Variants in CYFIP2 observed in about 807,000 individuals in gnomAD.
CYFIP2 encodes cytoplasmic FMR1 interacting protein 2.
A neutral mutation model predicts 158.7 loss-of-function variants in CYFIP2; 29 were observed. The observed-to-expected ratio is 0.18, with a 90% confidence interval of 0.14 to 0.25. The LOEUF (loss-of-function observed/expected upper bound fraction) is 0.25. Ranked by LOEUF, CYFIP2 falls within the 10% of genes least tolerant of loss-of-function variation. The probability of loss-of-function intolerance (pLI) is 1.00; values close to 1 mark genes in which losing one functional copy is unlikely to be tolerated. For missense variants in CYFIP2, 852 were observed against 1,639.5 expected (o/e 0.52, Z 8.29); for synonymous variants, 585 against 617.6 (o/e 0.95, Z 0.78).
rs1283850132 is a variant in CYFIP2, at chr5:157,361,038, C to T, written c.2909-430C>T. ...GGGCATGCCCCTTACCCTCTCTGAG[C>T]CTCATCTGAAACCAGGGTAATAGTG... On this transcript the variant is annotated intron_variant, in intron 25 of 30. Coordinates refer to ENST00000620254, the MANE Select transcript of CYFIP2 (RefSeq NM_001037333.3). This position sits in a 1 kb window ranked among gnomAD's most constrained non-coding sequence, Gnocchi z 4.4. Among the ~76,000 whole-genome samples, 2 of 152,206 alleles carry T rather than the reference C, an allele frequency of 1.3e-5. No homozygotes were observed. The highest frequency in any genetic ancestry group is 3.8e-4 in the East Asian group (2 of 5,200).
chr5:157,344,125 T>C (rs1174938656), intron 23 of CYFIP2, among the ~76,000 whole-genome samples: 1 of 152,222 alleles, frequency 6.6e-6, no homozygotes, highest in Non-Finnish European at 1.5e-5. Context: ...CCAAAGCTTC[T>C]GCTCTTGTTT....
Position 157,311,624 on chromosome 5 carries a change from G to T in CYFIP2, c.993-40G>T. 1.3e-6 allele frequency: 2 copies of T among 1,551,156 alleles called. No individual in the cohort carries two copies. The highest frequency in any genetic ancestry group is 1.7e-6 in the Non-Finnish European group (2 of 1,144,332). ...TAATGCCTGTTCCACCCAGGCGCCT[G>T]AGGCTGGGACCCTCTCCGACCCCAT... On this transcript the variant is annotated intron_variant, in intron 10 of 30. Transcript: ENST00000620254. The surrounding 1 kb of genome is among the most constrained non-coding windows in gnomAD (Gnocchi z 4.7).
At chr5:157,359,848 G>A (rs1458368342) in intron 24 of CYFIP2, among the ~76,000 whole-genome samples, 1 of 152,234 alleles carries the variant, frequency 6.6e-6, no homozygotes, top group Non-Finnish European at 1.5e-5. Context: ...ACCATGGGTT[G>A]TTACAGATTG....
chr5:157,348,344 C>T (rs1481431757), intron 23 of CYFIP2, among the ~76,000 whole-genome samples: 1 of 152,122 alleles, frequency 6.6e-6, no homozygotes, highest in Non-Finnish European at 1.5e-5. Context: ...CCTCCCAAGG[C>T]TCAGGAGATC....
Position 157,361,303 on chromosome 5 carries a change from G to A in CYFIP2, c.2909-165G>A. 1 of 773,276 alleles carries A rather than the reference G, an allele frequency of 1.3e-6. No individual in the cohort carries two copies. The highest frequency in any genetic ancestry group is 2.1e-6 in the Non-Finnish European group (1 of 486,368). 47.9% of individuals were successfully genotyped at this position (773,276 alleles called of 1,614,324 possible). ...AGCTACTCGAACTTTGTCCAGTACT[G>A]AGCCCTGAAAGAAATCTCACTCTGG... On this transcript the variant is annotated intron_variant, in intron 25 of 30. Coordinates refer to ENST00000620254, the MANE Select transcript of CYFIP2 (RefSeq NM_001037333.3). This position sits in a 1 kb window ranked among gnomAD's most constrained non-coding sequence, Gnocchi z 4.4.
Position 157,394,130 on chromosome 5 carries a change from G to C in CYFIP2, c.*1130G>C, listed in dbSNP as rs1176098673. ...TTTTAGCTTTTACTCTCAACTTGCT[G>C]TTCTCTTTACATTCCTTAAGTTAGA... On this transcript the variant is annotated 3_prime_UTR_variant, in exon 31 of 31. Transcript: ENST00000620254. The C allele has an allele frequency of 1.3e-5, 2 of 152,150 alleles. No homozygotes were observed. Among genetic ancestry groups the C allele is most frequent in the Non-Finnish European group, 2.9e-5 (2 of 68,042 alleles). 9.4% of individuals were successfully genotyped at this position (152,150 alleles called of 1,614,324 possible).
At chr5:157,331,096 C>G (rs1761422824) in intron 20 of CYFIP2, among the ~76,000 whole-genome samples, 1 of 152,070 alleles carries the variant, frequency 6.6e-6, no homozygotes, top group Non-Finnish European at 1.5e-5. Flanking sequence ...TTATGGCAAC[C>G]AAAGCCTTTG....
intron 26 of CYFIP2, chr5:157,364,419 A>G (rs1030773124): frequency 1.5e-4 from 23 of 152,316 alleles, no homozygotes; most frequent in African/African-American, 5.1e-4. Flanking sequence ...AGGACACTCA[A>G]TGACCTTCAG....
chr5:157,341,494 G>T lies in CYFIP2; in HGVS notation c.2673+337G>T, dbSNP rs536265322. ...TTGAGCCCAGGAGTGTTATGCTGCA[G>T]TGAGCATGATTGTACCACTTCGCTC... On this transcript the variant is annotated intron_variant, in intron 23 of 30. Coordinates refer to ENST00000620254, the MANE Select transcript of CYFIP2 (RefSeq NM_001037333.3). 4 of 301,390 alleles carry T rather than the reference G, an allele frequency of 1.3e-5. No individual in the cohort carries two copies. In the South Asian group the frequency reaches 1.4e-4, roughly 11 times the overall value. 18.7% of individuals were successfully genotyped at this position (301,390 alleles called of 1,614,324 possible).
At chr5:157,305,371 C>T (rs1759126946) in intron 8 of CYFIP2, among the ~76,000 whole-genome samples, 1 of 152,164 alleles carries the variant, frequency 6.6e-6, no homozygotes, top group African/African-American at 2.4e-5. Context: ...TACATTTTGC[C>T]AAAGTGATCA....
At chr5:157,356,932 A>G (rs6875921) in intron 23 of CYFIP2, among the ~76,000 whole-genome samples, 33,829 of 152,102 alleles carry the variant, frequency 0.22, 4,074 homozygotes, top group African/African-American at 0.3. Context: ...GCTGAACATC[A>G]GCTTCAGTGA....
intron 26 of CYFIP2, among the ~76,000 whole-genome samples, chr5:157,372,407 G>A (rs1306926316): frequency 6.6e-6 from 1 of 152,122 alleles, no homozygotes; most frequent in Non-Finnish European, 1.5e-5. Context: ...AGGTTATAAG[G>A]ATATTCATTA....
chr5:157,283,866 C>T (rs139650143), intron 1 of CYFIP2, among the ~76,000 whole-genome samples: 35 of 152,228 alleles, frequency 2.3e-4, no homozygotes, highest in African/African-American at 7.2e-4. Context: ...CCTTTTCCCC[C>T]CTAATGTTAG....
intron 21 of CYFIP2, among the ~76,000 whole-genome samples, chr5:157,334,595 T>C (rs1408210882): frequency 6.6e-6 from 1 of 152,064 alleles, no homozygotes; most frequent in Non-Finnish European, 1.5e-5. Flanking sequence ...CAGTAAGACA[T>C]ATTATTGTTA....
chr5:157,336,078 C>T (rs1761836217), intron 21 of CYFIP2, among the ~76,000 whole-genome samples: 1 of 152,074 alleles, frequency 6.6e-6, no homozygotes, highest in Non-Finnish European at 1.5e-5. Flanking sequence ...TCTGGATGGC[C>T]CCTGCTCGCC....
chr5:157,339,667 G>C (rs1762102160), intron 22 of CYFIP2, among the ~76,000 whole-genome samples: 1 of 152,172 alleles, frequency 6.6e-6, no homozygotes, highest in African/African-American at 2.4e-5. Context: ...AAGCCCACAG[G>C]GCCATGACAG....
At chr5:157,315,677 A>G (rs897002420) in intron 13 of CYFIP2, among the ~76,000 whole-genome samples, 1 of 152,244 alleles carries the variant, frequency 6.6e-6, no homozygotes. Context: ...ATATTTGTAC[A>G]TGGATATTTA....
intron 28 of CYFIP2, 52 bp downstream of exon 28, chr5:157,383,411 G>A: frequency 1.3e-6 from 2 of 1,524,702 alleles, no homozygotes; most frequent in Non-Finnish European, 1.8e-6. Context: ...GAACTTGAGA[G>A]CATTTGACCA....
intron 13 of CYFIP2, among the ~76,000 whole-genome samples, chr5:157,316,618 C>T (rs1760168126): frequency 6.6e-6 from 1 of 152,142 alleles, no homozygotes; most frequent in Admixed American, 6.5e-5. Context: ...CATTTGACAC[C>T]TACAAGAGAC....
Sources: allele counts gnomAD v4.1 joint callset (sites outside exome capture counted in the v4.1 genomes callset), GRCh38; gene constraint gnomAD v4.1.1; non-coding constraint Gnocchi (gnomAD v3.1); transcripts MANE v1.5; gene names NCBI Gene and HGNC (gene_info 2026-07-23, HGNC 2026-07-21).